The following SLC6A20 variants were observed in gnomAD, a reference collection of about 807,000 sequenced individuals.
SLC6A20 encodes solute carrier family 6 member 20, also known as sodium- and chloride-dependent transporter XTRP3.
A neutral mutation model predicts 64.3 loss-of-function variants in SLC6A20; 73 were observed. The ratio of observed to expected loss-of-function variants is 1.14; its 90% CI spans 0.94 to 1.38. The LOEUF (loss-of-function observed/expected upper bound fraction) is 1.38, where lower values mean the gene tolerates loss of function less well. Among genes scored for constraint, SLC6A20 ranks in the 40% most tolerant of loss-of-function variants. The pLI, the probability that SLC6A20 is intolerant of heterozygous loss-of-function variation, is 0.00. For missense variants in SLC6A20, 725 were observed against 772.8 expected, an observed-to-expected ratio of 0.94 and a Z score of 0.73; for synonymous variants, 347 against 329.6, an observed-to-expected ratio of 1.05 and a Z score of -0.57.
intron 1 of SLC6A20, among the ~76,000 whole-genome samples, chr3:45,785,528 G>C (rs1198781981): frequency 6.6e-6 from 1 of 152,114 alleles, no homozygotes; most frequent in East Asian, 1.9e-4. Context: ...TTGGGACTCA[G>C]ACTGGCTTTC....
chr3:45,778,520 TCTGA>T (rs1015641228), intron 3 of SLC6A20, among the ~76,000 whole-genome samples: 11 of 152,212 alleles, frequency 7.2e-5, no homozygotes, highest in African/African-American at 2.7e-4. Context: ...CCCCCATACT[TCTGA>T]CTATTAGAAA....
Position 45,766,868 on chromosome 3 carries a change from C to T in SLC6A20, c.1099-1127G>A, listed in dbSNP as rs554309563. 5.3e-5 allele frequency among the ~76,000 whole-genome samples: 8 copies of T among 152,266 alleles called. No individual in the cohort carries two copies. The South Asian group carries it at 6.2e-4, about 12-fold the overall frequency. The stretch of plus-strand genomic sequence containing the variant: ...AATTCCTGTTTTTTGCTGGGCACAG[C>T]GGCTCATGCCTGTAATCCCAGCACT... On this transcript the variant is annotated intron_variant, in intron 7 of 10. Coordinates refer to ENST00000358525, the MANE Select transcript of SLC6A20 (RefSeq NM_020208.4).
Position 45,770,493 on chromosome 3 carries a change from T to C in SLC6A20, c.936-122A>G, listed in dbSNP as rs1331919066. 13 of 1,235,718 alleles carry C rather than the reference T, an allele frequency of 1.1e-5. No homozygotes were observed. In the South Asian group the frequency reaches 1.2e-4, roughly 12 times the overall value. 76.5% of individuals were successfully genotyped at this position (1,235,718 alleles called of 1,614,324 possible). Reference sequence around the variant, plus strand: ...AGGGAGTCTGTTGCTTGGTGATCTTTTAAAGGGCAGGGTAATTTTGAATGG... The same window carrying C: ...AGGGAGTCTGTTGCTTGGTGATCTTCTAAAGGGCAGGGTAATTTTGAATGG... On this transcript the variant is annotated intron_variant, in intron 6 of 10. Coordinates refer to ENST00000358525, the MANE Select transcript of SLC6A20 (RefSeq NM_020208.4).
rs540025027 is a variant in SLC6A20, at chr3:45,765,407, G to A, written c.1303+130C>T. On this transcript the variant is annotated intron_variant, in intron 8 of 10. Transcript: ENST00000358525. This position sits in a 1 kb window ranked among gnomAD's most constrained non-coding sequence, Gnocchi z 4.2. ...GGTTGTGAGAAGACATGGCAGGACC[G>A]TGGTGAGGTGGCTGCAACCCCCTGT... The A allele has an allele frequency of 5.0e-5, 46 of 916,418 alleles. No homozygotes were observed. Among genetic ancestry groups the A allele is most frequent in the Middle Eastern group, 3.4e-4 (1 of 2,980 alleles). The allele number at this position is 916,418 out of a possible 1,614,324, so 56.8% of individuals were successfully genotyped here.
intron 8 of SLC6A20, among the ~76,000 whole-genome samples, chr3:45,763,590 G>A (rs2125718840): frequency 6.6e-6 from 1 of 152,274 alleles, no homozygotes; most frequent in South Asian, 2.1e-4. Context: ...CTTGTGCCAG[G>A]CACTTGCAAT....
At position 45,777,215 on chromosome 3, in the gene SLC6A20, A is replaced by G. The variant is rs374049910; in HGVS notation, c.355-1227T>C. Among the ~76,000 whole-genome samples, 15 of 152,258 alleles carry G rather than the reference A, an allele frequency of 9.9e-5. 1 individual carries two copies. The highest frequency in any genetic ancestry group is 3.4e-4 in the African/African-American group (14 of 41,556). On this transcript the variant is annotated intron_variant, in intron 3 of 10. Transcript: ENST00000358525. ...AGACAGAACCAAGGCCCGGGGTATC[A>G]CCTAATGGGTCATGGCTACTGTGCC...
chr3:45,796,348 G>T lies in SLC6A20; in HGVS notation c.72C>A (p.Gly24=). 6.2e-7 allele frequency: 1 copy of T among 1,612,718 alleles called. No homozygotes were observed. The highest frequency in any genetic ancestry group is 8.5e-7 in the Non-Finnish European group (1 of 1,179,642). Residue 24 remains glycine (G), a synonymous_variant, in exon 1 of 11, where the codon GGC becomes GGA. Transcript: ENST00000358525. ...ACGGGAATCGCCACACGTTGCCCAG[G>T]CCCACGGCGTACGAGATGCAGGCGA... ...FVFACISYAV[G]LGNVWRFPYL... is the part of the protein sequence containing the mutation.
intron 7 of SLC6A20, among the ~76,000 whole-genome samples, chr3:45,768,529 T>C (rs1222142929): frequency 6.6e-6 from 1 of 152,150 alleles, no homozygotes. Context: ...ACCTAGGCCT[T>C]GAGGGCTGGG....
intron 8 of SLC6A20, among the ~76,000 whole-genome samples, chr3:45,764,387 A>C: frequency 6.6e-6 from 1 of 152,204 alleles, no homozygotes; most frequent in East Asian, 1.9e-4. Context: ...TGTGTACAAT[A>C]GGACTTCGTT....
chr3:45,771,582 AC>A, intron 5 of SLC6A20, 124 bp from the exon 6 acceptor site: 1 of 1,481,272 alleles, frequency 6.8e-7, no homozygotes, highest in African/African-American at 1.4e-5. Flanking sequence ...CATCAGGGGC[AC>A]CCCTAGGGCT....
chr3:45,780,209 C>T (rs571944608), intron 2 of SLC6A20, 109 bp from the exon 3 acceptor site: 60 of 929,858 alleles, frequency 6.5e-5, no homozygotes, highest in South Asian at 1.6e-4. Context: ...CCGGGGTGGG[C>T]GAGGCCTCCC....
At chr3:45,773,000 T>C (rs1699902092) in intron 4 of SLC6A20, among the ~76,000 whole-genome samples, 1 of 152,048 alleles carries the variant, frequency 6.6e-6, no homozygotes, top group Non-Finnish European at 1.5e-5. Context: ...AAAAAATATA[T>C]GGGCAATCCA....
chr3:45,770,945 G>A (rs1559564898), intron 6 of SLC6A20, among the ~76,000 whole-genome samples: 1 of 152,182 alleles, frequency 6.6e-6, no homozygotes, highest in Non-Finnish European at 1.5e-5. Flanking sequence ...TACTTCTGAG[G>A]TGGGGGAGAT....
At chr3:45,793,253 G>GA (rs1007591821) in intron 1 of SLC6A20, among the ~76,000 whole-genome samples, 8 of 152,036 alleles carry the variant, frequency 5.3e-5, no homozygotes, top group Admixed American at 2.0e-4. Flanking sequence ...AAATTTAAGA[G>GA]AAAAAAATCC....
At chr3:45,759,743 G>A (rs1000651921) in intron 10 of SLC6A20, 114 bp downstream of exon 10, 6 of 1,320,892 alleles carry the variant, frequency 4.5e-6, no homozygotes, top group African/African-American at 4.4e-5. Flanking sequence ...TCCATGTCGT[G>A]ACAAATAACC....
At chr3:45,782,658 TCCAA>T (rs1398336909) in intron 1 of SLC6A20, among the ~76,000 whole-genome samples, 1 of 149,364 alleles carries the variant, frequency 6.7e-6, no homozygotes, top group Non-Finnish European at 1.5e-5. Context: ...CATCCATCCA[TCCAA>T]CCATCCATCC....
In SLC6A20 at chr3:45,758,551, T is replaced by C; in HGVS notation, c.*427A>G. On this transcript the variant is annotated 3_prime_UTR_variant, in exon 11 of 11. Coordinates refer to ENST00000358525, the MANE Select transcript of SLC6A20 (RefSeq NM_020208.4). Reference sequence around the variant, plus strand: ...TTGCACCACTGACAAATAGGTCATCTTAGGCACTTCAAAACTCCTTAAATG... The same window carrying C: ...TTGCACCACTGACAAATAGGTCATCCTAGGCACTTCAAAACTCCTTAAATG... 1 of 1,147,952 alleles carries C rather than the reference T, an allele frequency of 8.7e-7. No individual in the cohort carries two copies. The highest frequency in any genetic ancestry group is 1.1e-6 in the Non-Finnish European group (1 of 921,362). The allele number at this position is 1,147,952 out of a possible 1,614,324, so 71.1% of individuals were successfully genotyped here.
chr3:45,757,971 A>G lies in SLC6A20; in HGVS notation c.*1007T>C, dbSNP rs1699578672. On this transcript the variant is annotated 3_prime_UTR_variant, in exon 11 of 11. Coordinates refer to ENST00000358525, the MANE Select transcript of SLC6A20 (RefSeq NM_020208.4). ...TGCTCTGTCGCCCAGACTGGAGTGG[A>G]GTGGCATGATCTTGGCTCACAGCAA... 2 of 131,406 alleles carry G rather than the reference A, an allele frequency of 1.5e-5. No homozygotes were observed. The highest frequency in any genetic ancestry group is 1.5e-5 in the Non-Finnish European group (1 of 65,086). The allele number at this position is 131,406 out of a possible 1,614,324, so 8.1% of individuals were successfully genotyped here. A position where few individuals can be genotyped will look rare whatever the true frequency, so the allele number is the denominator to read the frequency against.
At chr3:45,780,208 G>A (rs1273853948) in intron 2 of SLC6A20, 108 bp from the exon 3 acceptor site, 6 of 973,924 alleles carry the variant, frequency 6.2e-6, no homozygotes, top group South Asian at 3.1e-5. Flanking sequence ...CCCGGGGTGG[G>A]CGAGGCCTCC....
Sources: allele counts gnomAD v4.1 joint callset (sites outside exome capture counted in the v4.1 genomes callset), GRCh38; gene constraint gnomAD v4.1.1; non-coding constraint Gnocchi (gnomAD v3.1); transcripts MANE v1.5; gene names NCBI Gene and HGNC (gene_info 2026-07-23, HGNC 2026-07-21).